Variants in FOXK1 observed in about 807,000 individuals in gnomAD.
FOXK1 encodes forkhead box K1, also known as forkhead box protein K1.
A neutral mutation model predicts 51.9 loss-of-function variants in FOXK1; 19 were observed. The observed-to-expected ratio is 0.37, with a 90% CI of 0.26 to 0.54. The LOEUF (loss-of-function observed/expected upper bound fraction) is 0.54, where lower values mean the gene tolerates loss of function less well. Among genes scored for constraint, FOXK1 ranks in the 20% least tolerant of loss-of-function variants. The pLI, the probability that FOXK1 is intolerant of heterozygous loss-of-function variation, is 0.87. For synonymous variants in FOXK1, 537 were observed against 482.6 expected (o/e 1.11, Z -1.48); for missense variants, 870 against 1,032.7 (o/e 0.84, Z 2.16).
chr7:4,708,089 C>G (rs547015754), intron 1 of FOXK1, among the ~76,000 whole-genome samples: 1 of 152,090 alleles, frequency 6.6e-6, no homozygotes, highest in South Asian at 2.1e-4. Context: ...AGGATGAGAC[C>G]AGTTCCTTTT....
Position 4,755,527 on chromosome 7 carries a change from G to C in FOXK1, c.1050+144G>C. On this transcript the variant is annotated intron_variant, in intron 4 of 8. Transcript: ENST00000328914. This position sits in a 1 kb window ranked among gnomAD's most constrained non-coding sequence, Gnocchi z 6.6. ...CTAGCATTTTGTGAGGCCGAGGCAG[G>C]AGGAGGATCAAGACCAGCCTGTGCA... The C allele has an allele frequency of 1.7e-6, 2 of 1,166,260 alleles. No homozygotes were observed. The highest frequency in any genetic ancestry group is 2.4e-6 in the Non-Finnish European group (2 of 843,634). The allele number at this position is 1,166,260 out of a possible 1,614,324, so 72.2% of individuals were successfully genotyped here.
rs533120459 is a variant in FOXK1, at chr7:4,745,036, A to G, written c.746+4013A>G. 8.3e-4 allele frequency among the ~76,000 whole-genome samples: 127 copies of G among 152,320 alleles called. 1 individual carries two copies. The highest frequency in any genetic ancestry group is 8.7e-4 in the Non-Finnish European group (59 of 68,016). The stretch of plus-strand genomic sequence containing the variant: ...ACTTTTCAGTTTGAGTTTCTGCTGT[A>G]GGGTGGAGCCGGCGTGTTTACAAAC... On this transcript the variant is annotated intron_variant, in intron 2 of 8. Transcript: ENST00000328914. The surrounding 1 kb of genome is among the most constrained non-coding windows in gnomAD (Gnocchi z 4.3).
chr7:4,682,341 C>T lies in FOXK1; in HGVS notation c.33C>T (p.Arg11=), dbSNP rs1583175853. 1 of 994,224 alleles carries T rather than the reference C, an allele frequency of 1.0e-6. No individual in the cohort carries two copies. Among genetic ancestry groups the T allele is most frequent in the Non-Finnish European group, 1.2e-6 (1 of 837,418 alleles). The allele number at this position is 994,224 out of a possible 1,614,324, so 61.6% of individuals were successfully genotyped here. A position where few individuals can be genotyped will look rare whatever the true frequency, so the allele number is the denominator to read the frequency against. MAEVGEDSGA[R]ALLALRSAPC... ...AAGTCGGCGAGGACAGCGGCGCCCG[C>T]GCCCTGCTCGCGCTGCGCTCGGCGC... Residue 11 remains arginine (R), a synonymous_variant, in exon 1 of 9, where the codon CGC becomes CGT. Coordinates refer to ENST00000328914, the MANE Select transcript of FOXK1 (RefSeq NM_001037165.2). The surrounding 1 kb of genome is among the most constrained non-coding windows in gnomAD (Gnocchi z 7.6).
chr7:4,685,288 C>A (rs868244477), intron 1 of FOXK1, among the ~76,000 whole-genome samples: 5 of 143,076 alleles, frequency 3.5e-5, no homozygotes, highest in Middle Eastern at 3.9e-3. Context: ...TGCAGTGGCT[C>A]ACTGCAAACT....
Position 4,711,755 on chromosome 7 carries a change from C to T in FOXK1, c.560+28887C>T, listed in dbSNP as rs1241991237. Among the ~76,000 whole-genome samples, 2 of 152,220 alleles carry T rather than the reference C, an allele frequency of 1.3e-5. No individual in the cohort carries two copies. The highest frequency in any genetic ancestry group is 3.8e-4 in the East Asian group (2 of 5,202). On this transcript the variant is annotated intron_variant, in intron 1 of 8. Coordinates refer to ENST00000328914, the MANE Select transcript of FOXK1 (RefSeq NM_001037165.2). This position sits in a 1 kb window ranked among gnomAD's most constrained non-coding sequence, Gnocchi z 6.3. Reference sequence around the variant, plus strand: ...TGTCACCCACCAGGCTGGGCTCAGCCACAAGTCGGCAACGTAGTGCCTCCA... The same window carrying T: ...TGTCACCCACCAGGCTGGGCTCAGCTACAAGTCGGCAACGTAGTGCCTCCA...
intron 1 of FOXK1, among the ~76,000 whole-genome samples, chr7:4,721,860 A>C (rs555077464): frequency 1.4e-4 from 21 of 151,666 alleles, no homozygotes; most frequent in African/African-American, 5.1e-4. Context: ...CAAAGTGCTG[A>C]GATTACAGGC....
In FOXK1 at chr7:4,755,154, C is replaced by G. The variant is rs1203901390; in HGVS notation, c.904-83C>G. On this transcript the variant is annotated intron_variant, in intron 3 of 8. Transcript: ENST00000328914. The surrounding 1 kb of genome is among the most constrained non-coding windows in gnomAD (Gnocchi z 6.6). Reference sequence around the variant, plus strand: ...ACGCGCACATTCTCGTGGGAAGGTTCCTCCCCATCAGCTGTGACGGGTGGG... The same window carrying G: ...ACGCGCACATTCTCGTGGGAAGGTTGCTCCCCATCAGCTGTGACGGGTGGG... 1 of 1,545,296 alleles carries G rather than the reference C, an allele frequency of 6.5e-7. No individual in the cohort carries two copies. Among genetic ancestry groups the G allele is most frequent in the African/African-American group, 1.4e-5 (1 of 73,706 alleles).
At position 4,763,194 on chromosome 7, in the gene FOXK1, C is replaced by G. The variant is rs929256364; in HGVS notation, c.*730C>G. Reference sequence around the variant, plus strand: ...GGTTTAATCCCCTCGAAGAGTAAACCTGCCGCTCTGTCTGATAACTTCAAG... The same window carrying G: ...GGTTTAATCCCCTCGAAGAGTAAACGTGCCGCTCTGTCTGATAACTTCAAG... On this transcript the variant is annotated 3_prime_UTR_variant, in exon 9 of 9. Transcript: ENST00000328914. The G allele has an allele frequency of 1.3e-5, 2 of 152,170 alleles. No homozygotes were observed. The highest frequency in any genetic ancestry group is 4.8e-5 in the African/African-American group (2 of 41,418). 9.4% of individuals were successfully genotyped at this position (152,170 alleles called of 1,614,324 possible).
intron 1 of FOXK1, among the ~76,000 whole-genome samples, chr7:4,718,040 C>T (rs1479852000): frequency 6.6e-6 from 1 of 152,196 alleles, no homozygotes; most frequent in Non-Finnish European, 1.5e-5. Context: ...GTGGGGGTCG[C>T]TGCCTCTGGG....
chr7:4,695,090 A>G (rs1779935828), intron 1 of FOXK1, among the ~76,000 whole-genome samples: 3 of 152,258 alleles, frequency 2.0e-5, no homozygotes, highest in African/African-American at 7.2e-5. Context: ...AGGCTCCAGA[A>G]GAAGGAGAAC....
rs139946705 is a variant in FOXK1 at position 4,700,858 on chromosome 7, T to C, written c.560+17990T>C. ...AGTACTTACCTCAGTGCCTGGCACA[T>C]AGACAGTGCTGATAGATAAACATCC... On this transcript the variant is annotated intron_variant, in intron 1 of 8. Coordinates refer to ENST00000328914, the MANE Select transcript of FOXK1 (RefSeq NM_001037165.2). 3.7e-3 allele frequency among the ~76,000 whole-genome samples: 568 copies of C among 152,296 alleles called. 19 individuals carry two copies. The highest frequency in any genetic ancestry group is 0.029 in the Admixed American group (440 of 15,286).
chr7:4,740,994 C>T lies in FOXK1; in HGVS notation c.717C>T (p.Ser239=), dbSNP rs781069223. 1.4e-5 allele frequency: 22 copies of T among 1,537,806 alleles called. No homozygotes were observed. In the East Asian group the frequency reaches 5.5e-4, roughly 39 times the overall value. Residue 239 remains serine, a synonymous_variant, in exon 2 of 9, where the codon AGC becomes AGT. Coordinates refer to ENST00000328914, the MANE Select transcript of FOXK1 (RefSeq NM_001037165.2). ...IPEPDLRSMV[S]PVPSPTGTIS... is the part of the protein sequence containing the mutation. ...AGCCGGACCTCCGGAGCATGGTCAGCCCCGTCCCCTCCCCGACGGGCACCA... is the reference window on the plus strand; with the variant it reads ...AGCCGGACCTCCGGAGCATGGTCAGTCCCGTCCCCTCCCCGACGGGCACCA...
chr7:4,757,837 G>C (rs1243760959), intron 5 of FOXK1, among the ~76,000 whole-genome samples: 1 of 151,942 alleles, frequency 6.6e-6, no homozygotes, highest in Non-Finnish European at 1.5e-5. Flanking sequence ...TGCAGATTTG[G>C]TACCCACAAC....
Position 4,768,862 on chromosome 7 carries a change from G to A in FOXK1, c.*6398G>A, listed in dbSNP as rs1781055287. 6.6e-6 allele frequency: 1 copy of A among 152,330 alleles called. No homozygotes were observed. Among genetic ancestry groups the A allele is most frequent in the East Asian group, 1.9e-4 (1 of 5,176 alleles). The allele number at this position is 152,330 out of a possible 1,614,324, so 9.4% of individuals were successfully genotyped here. A position where few individuals can be genotyped will look rare whatever the true frequency, so the allele number is the denominator to read the frequency against. On this transcript the variant is annotated 3_prime_UTR_variant, in exon 9 of 9. Coordinates refer to ENST00000328914, the MANE Select transcript of FOXK1 (RefSeq NM_001037165.2). ...GGTCAGACTCCTGCCCTGAGAAACA[G>A]CCCAGTCCTTGGAGAATGAAACCCT...
At chr7:4,694,084 A>G (rs1432470425) in intron 1 of FOXK1, among the ~76,000 whole-genome samples, 1 of 149,350 alleles carries the variant, frequency 6.7e-6, no homozygotes, top group African/African-American at 2.5e-5. Context: ...CCAGTGTCTC[A>G]CTATGTTGCC....
chr7:4,755,432 A>G lies in FOXK1; in HGVS notation c.1050+49A>G, dbSNP rs372778958. On this transcript the variant is annotated intron_variant, in intron 4 of 8. Coordinates refer to ENST00000328914, the MANE Select transcript of FOXK1 (RefSeq NM_001037165.2). The surrounding 1 kb of genome is among the most constrained non-coding windows in gnomAD (Gnocchi z 6.6). The stretch of plus-strand genomic sequence containing the variant: ...GATCGCCTCTGAAGGCCCTTAGAAC[A>G]TGGAACTCACAGGCATATTGCTTCC... The G allele has an allele frequency of 3.3e-4, 529 of 1,599,784 alleles. No individual in the cohort carries two copies. Among genetic ancestry groups the G allele is most frequent in the Non-Finnish European group, 4.3e-4 (506 of 1,171,360 alleles).
rs1467904953 is a variant in FOXK1, at chr7:4,749,347, G to A, written c.747-5112G>A. ...CTGGTAGAAGCTTCCTCAAACCACAGATGTGCCTTGGCCGGCTGTTGTGTT... is the reference window on the plus strand; with the variant it reads ...CTGGTAGAAGCTTCCTCAAACCACAAATGTGCCTTGGCCGGCTGTTGTGTT... On this transcript the variant is annotated intron_variant, in intron 2 of 8. Transcript: ENST00000328914. This position sits in a 1 kb window ranked among gnomAD's most constrained non-coding sequence, Gnocchi z 6.0. 2.0e-5 allele frequency among the ~76,000 whole-genome samples: 3 copies of A among 152,154 alleles called. No homozygotes were observed. Among genetic ancestry groups the A allele is most frequent in the African/African-American group, 7.2e-5 (3 of 41,442 alleles).
At position 4,707,170 on chromosome 7, in the gene FOXK1, C is replaced by T. The variant is rs1355864562; in HGVS notation, c.560+24302C>T. On this transcript the variant is annotated intron_variant, in intron 1 of 8. Transcript: ENST00000328914. The surrounding 1 kb of genome is among the most constrained non-coding windows in gnomAD (Gnocchi z 4.1). ...TACGTTGCCCTCTTTGTTACCACCC[C>T]TGGTGCGGTGGACACAGACATTGCC... Among the ~76,000 whole-genome samples, 1 of 152,204 alleles carries T rather than the reference C, an allele frequency of 6.6e-6. No individual in the cohort carries two copies. The highest frequency in any genetic ancestry group is 1.5e-5 in the Non-Finnish European group (1 of 68,038).
intron 2 of FOXK1, among the ~76,000 whole-genome samples, chr7:4,742,530 C>T (rs1780648806): frequency 6.6e-6 from 1 of 152,192 alleles, no homozygotes; most frequent in African/African-American, 2.4e-5. Flanking sequence ...GGTCTCCCCA[C>T]CTCAGCCTCC....
Sources: allele counts gnomAD v4.1 joint callset (sites outside exome capture counted in the v4.1 genomes callset), GRCh38; gene constraint gnomAD v4.1.1; non-coding constraint Gnocchi (gnomAD v3.1); transcripts MANE v1.5; gene names NCBI Gene and HGNC (gene_info 2026-07-23, HGNC 2026-07-21).